TLE2: variants seen among roughly 807,000 people sequenced by gnomAD.
The protein encoded by TLE2 is transducin-like enhancer protein 2.
TLE2 carries 74 observed loss-of-function variants against 97.2 expected under a neutral mutation model. That is an observed-to-expected ratio of 0.76 (90% CI 0.63 to 0.92). The LOEUF (loss-of-function observed/expected upper bound fraction) is 0.92. TLE2 is among the 40% of genes least tolerant of loss of function. The pLI, the probability that TLE2 is intolerant of heterozygous loss-of-function variation, is 0.00. For missense variants in TLE2, 1,038 were observed against 1,008.7 expected (o/e 1.03, Z -0.39); for synonymous variants, 499 against 432.1 (o/e 1.15, Z -1.92).
chr19:3,023,311 C>T (rs1052442621), intron 5 of TLE2, among the ~76,000 whole-genome samples: 2 of 152,184 alleles, frequency 1.3e-5, no homozygotes, highest in African/African-American at 2.4e-5. Context: ...GCTGGGATTA[C>T]AGGCGTGAGC....
At position 3,019,144 on chromosome 19, in the gene TLE2, C is replaced by T. The variant is rs1454210131; in HGVS notation, c.550+139G>A. ...AACTCCTGGGCTCAAGCGATCCTCC[C>T]GCCTCGGCCTCCCAAATTGTTGGGA... On this transcript the variant is annotated intron_variant, in intron 7 of 19. Transcript: ENST00000262953. This position sits in a 1 kb window ranked among gnomAD's most constrained non-coding sequence, Gnocchi z 5.1. 30 of 1,263,316 alleles carry T rather than the reference C, an allele frequency of 2.4e-5. No homozygotes were observed. The highest frequency in any genetic ancestry group is 4.4e-5 in the South Asian group (3 of 68,022). The allele number at this position is 1,263,316 out of a possible 1,614,324, so 78.3% of individuals were successfully genotyped here.
chr19:3,010,354 A>G (rs2089569089), intron 12 of TLE2, among the ~76,000 whole-genome samples: 1 of 147,714 alleles, frequency 6.8e-6, no homozygotes. Flanking sequence ...ACAAGAGTGA[A>G]ACTCCGTCTC....
Position 3,011,102 on chromosome 19 carries a change from T to C in TLE2, c.932A>G (p.Asp311Gly). Residue 311 changes from aspartate (D) to glycine (G), a missense_variant, in exon 12 of 20, where the codon GAC becomes GGC. Coordinates refer to ENST00000262953, the MANE Select transcript of TLE2 (RefSeq NM_003260.5). ...SKSCDSSPPQ[D>G]ASTPGPSSAS... ...CGAGCTGGGCCCGGGGGTGGAAGCG[T>C]CCTGGGGCGGGGAGGAGTCACAGGA... 1 of 1,610,792 alleles carries C rather than the reference T, an allele frequency of 6.2e-7. No individual in the cohort carries two copies. The highest frequency in any genetic ancestry group is 1.1e-5 in the South Asian group (1 of 90,664).
At chr19:3,039,258 C>T (rs1418812892) in intron 1 of TLE2, among the ~76,000 whole-genome samples, 2 of 150,698 alleles carry the variant, frequency 1.3e-5, no homozygotes, top group African/African-American at 4.9e-5. Flanking sequence ...AATCAGAGTC[C>T]ATCCCTCCCT....
chr19:3,026,455 T>TAAAAAAAAAAA (rs34783402), intron 4 of TLE2, among the ~76,000 whole-genome samples: 2 of 111,322 alleles, frequency 1.8e-5, no homozygotes, highest in African/African-American at 3.3e-5. Context: ...TCTCAAAATT[T>TAAAAAAAAAAA]AAAAAAAAAA....
At chr19:3,012,760 C>G (rs73919252) in intron 11 of TLE2, among the ~76,000 whole-genome samples, 2 of 152,120 alleles carry the variant, frequency 1.3e-5, no homozygotes, top group African/African-American at 4.8e-5. Context: ...TTCATGTCAT[C>G]GCCTCCCCTG....
intron 11 of TLE2, among the ~76,000 whole-genome samples, chr19:3,012,761 G>A (rs543145520): frequency 1.3e-5 from 2 of 152,094 alleles, no homozygotes; most frequent in East Asian, 1.9e-4. Context: ...TCATGTCATC[G>A]CCTCCCCTGC....
chr19:3,013,625 C>T lies in TLE2; in HGVS notation c.873+44G>A, dbSNP rs79818709. 2,452 of 1,337,812 alleles carry T rather than the reference C, an allele frequency of 1.8e-3. 36 individuals are homozygous for T. In the African/African-American group the frequency reaches 0.031, roughly 17 times the overall value. 82.9% of individuals were successfully genotyped at this position (1,337,812 alleles called of 1,614,324 possible). On this transcript the variant is annotated intron_variant, in intron 11 of 19. Coordinates refer to ENST00000262953, the MANE Select transcript of TLE2 (RefSeq NM_003260.5). Reference sequence around the variant, plus strand: ...GGGGTAGCGTCTGCTTCGGGGCCCCCGGGATGAATAAAGTGAGTTTCAAGG... The same window carrying T: ...GGGGTAGCGTCTGCTTCGGGGCCCCTGGGATGAATAAAGTGAGTTTCAAGG...
chr19:3,002,259 C>T, intron 18 of TLE2, 94 bp downstream of exon 18: 1 of 1,414,740 alleles, frequency 7.1e-7, no homozygotes, highest in Non-Finnish European at 9.4e-7. Context: ...ATATAAATAA[C>T]ATTATTTGTT....
At chr19:3,017,748 G>C in intron 8 of TLE2, 92 bp downstream of exon 8, 1 of 1,251,920 alleles carries the variant, frequency 8.0e-7, no homozygotes, top group East Asian at 2.5e-5. Context: ...CACCATGATC[G>C]ACCTAGGTCT....
Position 3,027,875 on chromosome 19 carries a change from T to C in TLE2, c.187-2A>G, listed in dbSNP as rs1268801187. On this transcript the variant is annotated splice_acceptor_variant, in intron 3 of 19. Coordinates refer to ENST00000262953, the MANE Select transcript of TLE2 (RefSeq NM_003260.5). LOFTEE classifies it high-confidence loss of function. ...GAGCCCGTACGACATCTCATAATAC[T>C]GCAAAGGAAAAACCAAGTAAGAACG... 6.2e-7 allele frequency: 1 copy of C among 1,609,910 alleles called. No homozygotes were observed. Among genetic ancestry groups the C allele is most frequent in the African/African-American group, 1.3e-5 (1 of 74,834 alleles).
intron 1 of TLE2, among the ~76,000 whole-genome samples, chr19:3,037,022 C>G (rs1280770172): frequency 1.3e-5 from 2 of 152,170 alleles, no homozygotes; most frequent in African/African-American, 4.8e-5. Context: ...TGGTGGCTCA[C>G]GCCCGTAATC....
At position 3,009,638 on chromosome 19, in the gene TLE2, G is replaced by T. The variant is rs1568235868; in HGVS notation, c.1077C>A (p.Ser359Arg). ...FTTSFSLGSH[S>R]TLNGDLSVPS... ...GCACGGAGAGGTCTCCGTTGAGAGT[G>T]CTGTGGGAGCCCAGGCTGAAGGACG... is the stretch of plus-strand genomic sequence containing the variant. Residue 359 changes from serine to arginine, a missense_variant, in exon 13 of 20, where the codon AGC (serine) becomes AGA (arginine). Physicochemically the swap from Ser to Arg is moderately radical, Grantham distance 110. Transcript: ENST00000262953. 6.2e-7 allele frequency: 1 copy of T among 1,613,216 alleles called. No homozygotes were observed. Among genetic ancestry groups the T allele is most frequent in the Admixed American group, 1.7e-5 (1 of 59,884 alleles).
intron 19 of TLE2, among the ~76,000 whole-genome samples, chr19:2,998,261 G>A (rs2089266491): frequency 8.1e-6 from 1 of 122,884 alleles, no homozygotes; most frequent in Non-Finnish European, 1.7e-5. Flanking sequence ...GTGTGTGTGT[G>A]TGTGTGTGTG....
At chr19:3,034,036 C>T (rs1273993810), upstream of TLE2, among the ~76,000 whole-genome samples, 1 of 152,016 alleles carries the variant, frequency 6.6e-6, no homozygotes, top group African/African-American at 2.4e-5. Flanking sequence ...ACTCTGAGAC[C>T]CAGCCCTGTG....
chr19:3,036,438 C>A (rs1599254211), intron 1 of TLE2, among the ~76,000 whole-genome samples: 1 of 152,226 alleles, frequency 6.6e-6, no homozygotes, highest in Non-Finnish European at 1.5e-5. Flanking sequence ...CCGACCCGGG[C>A]CGGGAAAGCG....
intron 2 of TLE2, 151 bp downstream of exon 2, chr19:3,028,555 A>G: frequency 1.1e-6 from 1 of 951,638 alleles, no homozygotes; most frequent in Admixed American, 2.7e-5. Flanking sequence ...GACTGTCCCC[A>G]GACCCCTCTG....
At chr19:3,025,163 T>C (rs1271806026) in intron 4 of TLE2, 81 bp from the exon 5 acceptor site, 39 of 1,400,652 alleles carry the variant, frequency 2.8e-5, no homozygotes, top group Non-Finnish European at 3.8e-5. Context: ...GGACCAGGTG[T>C]TGGCAAAGCC....
intron 11 of TLE2, among the ~76,000 whole-genome samples, chr19:3,012,546 T>G (rs889052787): frequency 3.9e-5 from 6 of 152,092 alleles, no homozygotes; most frequent in African/African-American, 9.7e-5. Flanking sequence ...AACAAGGAAT[T>G]AGAAACTCCG....
Sources: allele counts gnomAD v4.1 joint callset (sites outside exome capture counted in the v4.1 genomes callset), GRCh38; gene constraint gnomAD v4.1.1; non-coding constraint Gnocchi (gnomAD v3.1); transcripts MANE v1.5; gene names NCBI Gene and HGNC (gene_info 2026-07-23, HGNC 2026-07-21).